The following GALNT13 variants were observed in gnomAD, a reference collection of about 807,000 sequenced individuals.
GALNT13 encodes polypeptide N-acetylgalactosaminyltransferase 13.
In GALNT13, 28 loss-of-function variants were observed where a neutral mutation model predicts 64.2. The observed-to-expected ratio is 0.44, with a 90% CI of 0.32 to 0.60. GALNT13 has a LOEUF of 0.60. GALNT13 is among the 20% of genes least tolerant of loss of function. The pLI, the probability that GALNT13 is intolerant of heterozygous loss-of-function variation, is 0.05. For missense variants in GALNT13, 577 were observed against 669.8 expected, an observed-to-expected ratio of 0.86 and a Z score of 1.53; for synonymous variants, 214 against 224.6, an observed-to-expected ratio of 0.95 and a Z score of 0.42.
chr2:153,415,282 C>T, the GALNT13 span, among the ~76,000 whole-genome samples: 2 of 152,228 alleles, frequency 1.3e-5, no homozygotes, highest in Admixed American at 1.3e-4. Context: ...TTGGTGGAGC[C>T]ATGGTAGCTG....
At chr2:153,653,481 G>A in the GALNT13 span, among the ~76,000 whole-genome samples, 1 of 152,050 alleles carries the variant, frequency 6.6e-6, no homozygotes, top group Admixed American at 6.6e-5. Context: ...AAAAGGAATC[G>A]TATTTTTTAG....
At chr2:153,687,722 A>G in the GALNT13 span, among the ~76,000 whole-genome samples, 1 of 152,126 alleles carries the variant, frequency 6.6e-6, no homozygotes, top group Non-Finnish European at 1.5e-5. Flanking sequence ...ATCCAAGTGG[A>G]ATACACCAAT....
At chr2:154,427,216 CAA>C (rs1700511115) in intron 11 of GALNT13, among the ~76,000 whole-genome samples, 4 of 152,162 alleles carry the variant, frequency 2.6e-5, no homozygotes, top group Admixed American at 2.6e-4. Context: ...AACATTTTGA[CAA>C]AGACTCCCAG....
the GALNT13 span, among the ~76,000 whole-genome samples, chr2:153,862,770 C>T: frequency 6.6e-5 from 10 of 151,856 alleles, no homozygotes; most frequent in Admixed American, 2.0e-4. Context: ...ATAATTACTA[C>T]GTACATCTGA....
intron 3 of GALNT13, among the ~76,000 whole-genome samples, chr2:154,037,324 A>G (rs1698717043): frequency 6.6e-6 from 1 of 152,120 alleles, no homozygotes; most frequent in Non-Finnish European, 1.5e-5. Flanking sequence ...TACAATTGTT[A>G]TAGCATTTCA....
At chr2:154,399,570 T>TA (rs1699206371) in intron 10 of GALNT13, among the ~76,000 whole-genome samples, 1 of 152,232 alleles carries the variant, frequency 6.6e-6, no homozygotes, top group East Asian at 1.9e-4. Context: ...CCTCATGACT[T>TA]ACACACTTCC....
the GALNT13 span, among the ~76,000 whole-genome samples, chr2:153,615,781 A>T: frequency 1.3e-5 from 2 of 151,976 alleles, no homozygotes; most frequent in African/African-American, 4.8e-5. Flanking sequence ...TAAAAATCAG[A>T]TTATTAGATT....
At chr2:154,153,170 G>T (rs1460803535) in intron 4 of GALNT13, among the ~76,000 whole-genome samples, 1 of 152,162 alleles carries the variant, frequency 6.6e-6, no homozygotes, top group Admixed American at 6.5e-5. Flanking sequence ...TTAGCTGCAG[G>T]TCTGTTGGAG....
chr2:153,597,816 T>C, the GALNT13 span, among the ~76,000 whole-genome samples: 7 of 152,112 alleles, frequency 4.6e-5, no homozygotes, highest in East Asian at 9.7e-4. Flanking sequence ...AAAAAAGTAA[T>C]GGCCAATAGG....
intron 3 of GALNT13, among the ~76,000 whole-genome samples, chr2:153,961,757 A>G (rs915183057): frequency 2.0e-5 from 3 of 152,198 alleles, no homozygotes; most frequent in African/African-American, 7.2e-5. Flanking sequence ...TTGATTAGAG[A>G]GTGGGTAACA....
chr2:153,875,351 C>T (rs1019479460), intron 1 of GALNT13, among the ~76,000 whole-genome samples: 13 of 152,104 alleles, frequency 8.5e-5, no homozygotes, highest in African/African-American at 3.1e-4. Context: ...TCACTTGATA[C>T]TGTACCCAAT....
At chr2:154,049,387 T>A (rs1699459038) in intron 3 of GALNT13, among the ~76,000 whole-genome samples, 1 of 148,378 alleles carries the variant, frequency 6.7e-6, no homozygotes, top group Admixed American at 6.8e-5. Context: ...TATCACTATA[T>A]AATGATATAT....
the GALNT13 span, among the ~76,000 whole-genome samples, chr2:153,105,271 C>A: frequency 6.6e-6 from 1 of 151,760 alleles, no homozygotes; most frequent in Non-Finnish European, 1.5e-5. Context: ...AAGACAAAAA[C>A]CACATGATTA....
intron 3 of GALNT13, among the ~76,000 whole-genome samples, chr2:154,023,078 C>A (rs1298074130): frequency 6.6e-6 from 1 of 152,102 alleles, no homozygotes. Flanking sequence ...AATTTCTGTT[C>A]TTTTACATTT....
At chr2:153,277,865 G>C in the GALNT13 span, among the ~76,000 whole-genome samples, 1 of 142,242 alleles carries the variant, frequency 7.0e-6, no homozygotes, top group African/African-American at 2.6e-5. Flanking sequence ...TTTAAATGCA[G>C]TTTTTTGGTT....
intron 3 of GALNT13, among the ~76,000 whole-genome samples, chr2:154,033,154 A>G (rs910380294): frequency 6.6e-6 from 1 of 151,972 alleles, no homozygotes; most frequent in Non-Finnish European, 1.5e-5. Flanking sequence ...ACATAGACCC[A>G]TGATTCACAC....
intron 4 of GALNT13, among the ~76,000 whole-genome samples, chr2:154,212,084 A>G (rs888036153): frequency 6.6e-6 from 1 of 152,196 alleles, no homozygotes; most frequent in Non-Finnish European, 1.5e-5. Flanking sequence ...TTACTAGCAT[A>G]TTAAGTTGAG....
intron 3 of GALNT13, among the ~76,000 whole-genome samples, chr2:154,120,067 TTTTG>T (rs1475403008): frequency 3.3e-5 from 5 of 151,506 alleles, no homozygotes; most frequent in Admixed American, 2.0e-4. Context: ...TTTTAAGGTT[TTTTG>T]TTTGTTTGTT....
chr2:153,549,716 A>C, the GALNT13 span, among the ~76,000 whole-genome samples: 88,760 of 152,034 alleles, frequency 0.58, 28,881 homozygotes, highest in African/African-American at 0.86. Flanking sequence ...GGCTCCTGAG[A>C]AAATAAATGA....
Sources: gnomAD v4.1 joint callset for allele counts (sites outside exome capture counted in the v4.1 genomes callset) on GRCh38, gnomAD v4.1.1 for gene constraint, MANE v1.5 for transcripts, NCBI Gene and HGNC (gene_info 2026-07-23, HGNC 2026-07-21) for gene names.